Variants in TTC7A observed in about 807,000 individuals in gnomAD.
TTC7A encodes the protein tetratricopeptide repeat domain 7A.
TTC7A carries 110 observed loss-of-function variants against 103.7 expected under a neutral mutation model. The observed-to-expected ratio is 1.06, with a 90% CI of 0.91 to 1.24. The LOEUF is 1.24. TTC7A is among the 50% of genes most tolerant of loss of function. The pLI is 0.00. For synonymous variants in TTC7A, 521 were observed against 467.9 expected, an observed-to-expected ratio of 1.11 and a Z score of -1.47; for missense variants, 1,340 against 1,116.3, an observed-to-expected ratio of 1.20 and a Z score of -2.86.
chr2:46,965,181 C>T (rs185574706), intron 3 of TTC7A, among the ~76,000 whole-genome samples: 1 of 152,350 alleles, frequency 6.6e-6, no homozygotes, highest in East Asian at 1.9e-4. Context: ...CTCTTTTGGT[C>T]AGTGCAACCC....
At chr2:46,916,303 G>T in exon 1 of TTC7A, 1 of 458,358 alleles carries the variant, frequency 2.2e-6, no homozygotes, top group Non-Finnish European at 2.9e-6. Context: ...AGATTGGCCT[G>T]CTTCCAGCGT....
chr2:47,055,605 G>C (rs1683248242), intron 18 of TTC7A, among the ~76,000 whole-genome samples: 1 of 152,132 alleles, frequency 6.6e-6, no homozygotes, highest in African/African-American at 2.4e-5. Context: ...CACGGCTCTG[G>C]GAGCTGACAG....
chr2:46,954,716 C>T (rs765580504), intron 2 of TTC7A, among the ~76,000 whole-genome samples: 12 of 151,862 alleles, frequency 7.9e-5, no homozygotes, highest in Non-Finnish European at 1.6e-4. Context: ...GGATTACAGG[C>T]GCCCACCACC....
Position 46,954,566 on chromosome 2 carries a change from C to A in TTC7A, c.349-2273C>A, listed in dbSNP as rs531695236. On this transcript the variant is annotated intron_variant, in intron 2 of 19. Coordinates refer to ENST00000319190, the MANE Select transcript of TTC7A (RefSeq NM_020458.4). ...TAGATATCCTTTCAGAACTAAGAGCCTTTTTTTTTTTTTTTTTTTTGAGAC... is the reference window on the plus strand; with the variant it reads ...TAGATATCCTTTCAGAACTAAGAGCATTTTTTTTTTTTTTTTTTTTGAGAC... Among the ~76,000 whole-genome samples the A allele has an allele frequency of 7.4e-5, 9 of 121,298 alleles. No homozygotes were observed. In the East Asian group the frequency reaches 1.5e-3, roughly 21 times the overall value. 79.6% of individuals were successfully genotyped at this position (121,298 alleles called of 152,430 possible). A position where few individuals can be genotyped will look rare whatever the true frequency, so the allele number is the denominator to read the frequency against.
intron 19 of TTC7A, among the ~76,000 whole-genome samples, chr2:47,068,759 C>T (rs912415857): frequency 4.6e-5 from 7 of 151,038 alleles, no homozygotes; most frequent in African/African-American, 1.2e-4. Context: ...GATATAGGCT[C>T]CTGAAGTCCA....
chr2:46,954,007 C>A (rs927414676), intron 2 of TTC7A, among the ~76,000 whole-genome samples: 1 of 152,038 alleles, frequency 6.6e-6, no homozygotes, highest in Non-Finnish European at 1.5e-5. Flanking sequence ...ACAACCCAGG[C>A]CTTTAGTGTC....
chr2:46,997,321 A>G (rs1326253103), intron 8 of TTC7A, among the ~76,000 whole-genome samples: 4 of 152,114 alleles, frequency 2.6e-5, no homozygotes, highest in Non-Finnish European at 5.9e-5. Flanking sequence ...TGAGGCTTCC[A>G]GTGCAATTTA....
intron 15 of TTC7A, among the ~76,000 whole-genome samples, chr2:47,044,303 T>C (rs1175737564): frequency 1.3e-5 from 2 of 152,260 alleles, no homozygotes; most frequent in Admixed American, 6.5e-5. Context: ...GTGTCATTTA[T>C]AGCGCTCTAA....
intron 2 of TTC7A, among the ~76,000 whole-genome samples, chr2:46,926,428 G>T (rs1669386909): frequency 1.3e-5 from 2 of 152,128 alleles, no homozygotes; most frequent in Non-Finnish European, 2.9e-5. Context: ...GGTCGCCATG[G>T]GAGCACACAG....
At chr2:47,037,719 G>A (rs553267507) in intron 15 of TTC7A, among the ~76,000 whole-genome samples, 3 of 152,168 alleles carry the variant, frequency 2.0e-5, no homozygotes, top group Non-Finnish European at 4.4e-5. Flanking sequence ...TCCTCTCAGC[G>A]CCCTAAGAGG....
At chr2:46,922,037 T>G (rs1314746517) in intron 2 of TTC7A, among the ~76,000 whole-genome samples, 1 of 152,212 alleles carries the variant, frequency 6.6e-6, no homozygotes, top group Non-Finnish European at 1.5e-5. Context: ...GATAAGTTTT[T>G]GGATTTTTTT....
At chr2:46,989,898 T>C (rs961041343) in intron 5 of TTC7A, among the ~76,000 whole-genome samples, 3 of 152,022 alleles carry the variant, frequency 2.0e-5, no homozygotes, top group Non-Finnish European at 4.4e-5. Context: ...TTCCAGGTAA[T>C]GCCACTCTGC....
chr2:46,929,181 CAAAACAAA>C, intron 2 of TTC7A, among the ~76,000 whole-genome samples: 1 of 151,886 alleles, frequency 6.6e-6, no homozygotes, highest in African/African-American at 2.4e-5. Context: ...GAAAACAAAA[CAAAACAAA>C]AAAACACTTC....
rs577141502 is a variant in TTC7A at position 46,960,543 on chromosome 2, G to C, written c.517+3536G>C. On this transcript the variant is annotated intron_variant, in intron 3 of 19. Transcript: ENST00000319190. ...GTGCACCACCCAGGAGCTTGCAGGG[G>C]CCCTCCCCAAACTCACTGAATCAGA... is the stretch of plus-strand genomic sequence containing the variant. Among the ~76,000 whole-genome samples the C allele has an allele frequency of 2.0e-5, 3 of 151,532 alleles. No homozygotes were observed. The South Asian group carries it at 6.3e-4, about 32-fold the overall frequency.
intron 8 of TTC7A, chr2:46,999,707 T>C: frequency 1.0e-6 from 1 of 985,422 alleles, no homozygotes. Context: ...CCTGATTTTC[T>C]GAGACAGCTG....
At chr2:47,045,209 T>C (rs550295772) in intron 15 of TTC7A, among the ~76,000 whole-genome samples, 1 of 152,226 alleles carries the variant, frequency 6.6e-6, no homozygotes, top group African/African-American at 2.4e-5. Context: ...AGGCAGCTGG[T>C]TGGGTGAAAA....
At chr2:47,069,065 G>A (rs576190451) in intron 19 of TTC7A, among the ~76,000 whole-genome samples, 5 of 152,010 alleles carry the variant, frequency 3.3e-5, no homozygotes, top group Non-Finnish European at 7.4e-5. Flanking sequence ...TCTAGAACCC[G>A]GGATCCAGAG....
chr2:47,072,277 A>C (rs1257780869), intron 19 of TTC7A, among the ~76,000 whole-genome samples: 3 of 152,084 alleles, frequency 2.0e-5, no homozygotes, highest in Admixed American at 2.0e-4. Context: ...TGCACGCCTC[A>C]TCCGTGTGTG....
At chr2:47,048,238 C>T (rs1182202184) in intron 16 of TTC7A, among the ~76,000 whole-genome samples, 3 of 152,210 alleles carry the variant, frequency 2.0e-5, no homozygotes, top group African/African-American at 7.2e-5. Flanking sequence ...CTTGAACGGT[C>T]CCTTCTCCCC....
Sources: allele counts gnomAD v4.1 joint callset (sites outside exome capture counted in the v4.1 genomes callset), GRCh38; gene constraint gnomAD v4.1.1; transcripts MANE v1.5; gene names NCBI Gene and HGNC (gene_info 2026-07-23, HGNC 2026-07-21).